The following ATRNL1 variants were observed in gnomAD, a reference collection of about 807,000 sequenced individuals.
ATRNL1 encodes the protein attractin-like protein 1.
ATRNL1 carries 95 observed loss-of-function variants against 182.7 expected under a neutral mutation model. The observed-to-expected ratio is 0.52, with a 90% confidence interval of 0.44 to 0.62. The LOEUF is 0.62. Among genes scored for constraint, ATRNL1 ranks in the 20% least tolerant of loss-of-function variants. ATRNL1 has a pLI of 0.00. For missense variants in ATRNL1, 1,471 were observed against 1,679.5 expected (o/e 0.88, Z 2.17); for synonymous variants, 576 against 568.3 (o/e 1.01, Z -0.19).
In ATRNL1 at chr10:115,241,604, C is replaced by T. The variant is rs1236352492; in HGVS notation, c.1566C>T (p.Tyr522=). 11 of 1,608,618 alleles carry T rather than the reference C, an allele frequency of 6.8e-6. No individual in the cohort carries two copies. Among genetic ancestry groups the T allele is most frequent in the Admixed American group, 1.7e-5 (1 of 59,870 alleles). ...TGAAAGAAAGTGGGTTTGCCAGATACCTTCATTCAGCTGTTCTTATCAATG... is the reference window on the plus strand; with the variant it reads ...TGAAAGAAAGTGGGTTTGCCAGATATCTTCATTCAGCTGTTCTTATCAATG... The part of the protein sequence containing the change: ...TILKESGFAR[Y]LHSAVLINGA... Residue 522 remains tyrosine (Y), a synonymous_variant, in exon 10 of 29, where the codon TAC becomes TAT. Transcript: ENST00000355044.
intron 26 of ATRNL1, chr10:115,597,648 C>A: frequency 2.3e-6 from 1 of 438,534 alleles, no homozygotes; most frequent in Non-Finnish European, 4.5e-6. Context: ...TCTCAGCTCA[C>A]TGCAACCTCC....
chr10:115,249,799 A>C (rs1409930275), intron 10 of ATRNL1, among the ~76,000 whole-genome samples: 1 of 151,992 alleles, frequency 6.6e-6, no homozygotes, highest in Non-Finnish European at 1.5e-5. Context: ...AATTTGCTTT[A>C]ATTTGTTTGG....
intron 28 of ATRNL1, among the ~76,000 whole-genome samples, chr10:115,933,545 T>A (rs1489179940): frequency 1.3e-5 from 2 of 152,178 alleles, no homozygotes; most frequent in African/African-American, 2.4e-5. Context: ...TCTTTGCCCA[T>A]GGCCTGATGA....
At chr10:115,750,149 C>G (rs1948405992) in intron 27 of ATRNL1, among the ~76,000 whole-genome samples, 1 of 151,792 alleles carries the variant, frequency 6.6e-6, no homozygotes, top group African/African-American at 2.4e-5. Flanking sequence ...CACTTCAAAT[C>G]CTCATGGGCA....
At chr10:115,728,939 A>T (rs1267101321) in intron 27 of ATRNL1, among the ~76,000 whole-genome samples, 1 of 152,186 alleles carries the variant, frequency 6.6e-6, no homozygotes, top group Non-Finnish European at 1.5e-5. Context: ...CACACAGAAA[A>T]CTTAGACTAT....
intron 28 of ATRNL1, among the ~76,000 whole-genome samples, chr10:115,856,437 A>AAAAAAAAAAAAAAAAAAAAAAAAC: frequency 7.0e-6 from 1 of 143,868 alleles, no homozygotes; most frequent in Non-Finnish European, 1.5e-5. Context: ...TCAAAAAAAA[A>AAAAAAAAAAAAAAAAAAAAAAAAC]AAAAAAAAAA....
intron 22 of ATRNL1, among the ~76,000 whole-genome samples, chr10:115,463,231 A>G (rs1366582911): frequency 1.3e-5 from 2 of 149,620 alleles, no homozygotes; most frequent in Non-Finnish European, 3.0e-5. Flanking sequence ...GTAAAATAGC[A>G]TTCTGTCTCC....
In ATRNL1 at chr10:115,872,480, G is replaced by C. The variant is rs1951607133; in HGVS notation, c.4018+24489G>C. ...GAAGATAAAGATAAATTAATATCAA[G>C]TCAAAATTCAAACGGACAAAAAAAG... is the stretch of plus-strand genomic sequence containing the variant. On this transcript the variant is annotated intron_variant, in intron 28 of 28. Coordinates refer to ENST00000355044, the MANE Select transcript of ATRNL1 (RefSeq NM_207303.4). 3.9e-5 allele frequency among the ~76,000 whole-genome samples: 6 copies of C among 152,094 alleles called. No homozygotes were observed. In the South Asian group the frequency reaches 1.2e-3, roughly 32 times the overall value.
At chr10:115,619,224 C>T (rs1857592988) in intron 26 of ATRNL1, among the ~76,000 whole-genome samples, 1 of 152,076 alleles carries the variant, frequency 6.6e-6, no homozygotes, top group Admixed American at 6.5e-5. Context: ...TGCATGGTTG[C>T]CACTCTACTG....
intron 22 of ATRNL1, among the ~76,000 whole-genome samples, chr10:115,465,703 T>C (rs1218221398): frequency 1.3e-5 from 2 of 151,600 alleles, no homozygotes; most frequent in African/African-American, 4.8e-5. Context: ...ATTTACTCTA[T>C]GTATTTAAAA....
intron 28 of ATRNL1, among the ~76,000 whole-genome samples, chr10:115,921,972 C>T (rs569227220): frequency 6.4e-4 from 98 of 152,294 alleles, no homozygotes; most frequent in Non-Finnish European, 1.2e-3. Flanking sequence ...GTCAGCTTCC[C>T]TGCCTTAGGG....
intron 26 of ATRNL1, among the ~76,000 whole-genome samples, chr10:115,588,904 A>G (rs553161741): frequency 2.6e-5 from 4 of 152,336 alleles, no homozygotes; most frequent in African/African-American, 9.6e-5. Context: ...TAGATATAAA[A>G]CAAGTATAAG....
intron 8 of ATRNL1, among the ~76,000 whole-genome samples, chr10:115,203,436 T>C (rs1848670864): frequency 1.3e-5 from 2 of 152,064 alleles, no homozygotes; most frequent in Admixed American, 6.6e-5. Flanking sequence ...TGAATGTTTA[T>C]GGAAAGGCAA....
intron 25 of ATRNL1, among the ~76,000 whole-genome samples, chr10:115,526,142 G>GCATT (rs1185084767): frequency 6.6e-6 from 1 of 152,100 alleles, no homozygotes; most frequent in Non-Finnish European, 1.5e-5. Context: ...ATCCTCAGAA[G>GCATT]CATTCATTCA....
chr10:115,250,710 A>G (rs1252972517), intron 10 of ATRNL1, among the ~76,000 whole-genome samples: 1 of 152,192 alleles, frequency 6.6e-6, no homozygotes, highest in Non-Finnish European at 1.5e-5. Flanking sequence ...GCTGTCTGAG[A>G]ATGTTCTTGT....
chr10:115,309,946 C>T (rs35690844), intron 17 of ATRNL1, among the ~76,000 whole-genome samples: 6,297 of 152,104 alleles, frequency 0.041, 182 homozygotes, highest in Non-Finnish European at 0.063. Context: ...AGAGGTAATG[C>T]GTTCAACATT....
chr10:115,377,644 T>C (rs1179070315), intron 19 of ATRNL1, among the ~76,000 whole-genome samples: 1 of 152,218 alleles, frequency 6.6e-6, no homozygotes, highest in Non-Finnish European at 1.5e-5. Flanking sequence ...CCAGTATCTG[T>C]GCAGCTGAGG....
At chr10:115,594,479 G>T (rs782687303) in intron 26 of ATRNL1, among the ~76,000 whole-genome samples, 2 of 152,086 alleles carry the variant, frequency 1.3e-5, no homozygotes, top group African/African-American at 2.4e-5. Context: ...TGTAGGATAA[G>T]AAAATAATTC....
At chr10:115,367,667 TCG>T (rs1857128164) in intron 19 of ATRNL1, among the ~76,000 whole-genome samples, 85 of 120,086 alleles carry the variant, frequency 7.1e-4, no homozygotes, top group Admixed American at 1.4e-3. Flanking sequence ...CTTTTGGTCG[TCG>T]ATGATGGTGA....
Sources: allele counts gnomAD v4.1 joint callset (sites outside exome capture counted in the v4.1 genomes callset), GRCh38; gene constraint gnomAD v4.1.1; transcripts MANE v1.5; gene names NCBI Gene and HGNC (gene_info 2026-07-23, HGNC 2026-07-21).